The following DGKG variants were observed in gnomAD, a reference collection of about 807,000 sequenced individuals.
DGKG encodes diacylglycerol kinase gamma, also known as DAG kinase gamma.
DGKG carries 78 observed loss-of-function variants against 105.3 expected under a neutral mutation model. That is an observed-to-expected ratio of 0.74 (90% CI 0.62 to 0.89). The LOEUF (loss-of-function observed/expected upper bound fraction) is 0.89, where lower values mean the gene tolerates loss of function less well. Ranked by LOEUF, DGKG falls within the 40% of genes least tolerant of loss-of-function variation. The pLI is 0.00. For synonymous variants in DGKG, 346 were observed against 367.1 expected, an observed-to-expected ratio of 0.94 and a Z score of 0.66; for missense variants, 958 against 1,020.1, an observed-to-expected ratio of 0.94 and a Z score of 0.83.
At chr3:186,219,703 A>G (rs978821014) in intron 20 of DGKG, among the ~76,000 whole-genome samples, 1 of 152,174 alleles carries the variant, frequency 6.6e-6, no homozygotes, top group African/African-American at 2.4e-5. Flanking sequence ...GTGGGCAGAA[A>G]GATGGAGAAC....
At chr3:186,286,299 CAT>C (rs1409021075) in intron 6 of DGKG, among the ~76,000 whole-genome samples, 1 of 152,176 alleles carries the variant, frequency 6.6e-6, no homozygotes, top group Non-Finnish European at 1.5e-5. Context: ...GGTTGAATGA[CAT>C]AGAGGACAGA....
chr3:186,266,741 G>A (rs1301827817), intron 13 of DGKG, among the ~76,000 whole-genome samples: 1 of 152,068 alleles, frequency 6.6e-6, no homozygotes, highest in East Asian at 1.9e-4. Flanking sequence ...GGGATTACAG[G>A]TGCCCACTAC....
intron 10 of DGKG, among the ~76,000 whole-genome samples, chr3:186,275,254 C>T (rs533234024): frequency 5.9e-5 from 9 of 152,158 alleles, no homozygotes; most frequent in Non-Finnish European, 1.2e-4. Flanking sequence ...GAAAACCCAA[C>T]TAAAAGTAGT....
intron 20 of DGKG, among the ~76,000 whole-genome samples, chr3:186,219,896 G>A (rs889525671): frequency 6.6e-6 from 1 of 152,184 alleles, no homozygotes; most frequent in Admixed American, 6.5e-5. Flanking sequence ...CATACTGTTT[G>A]CAACTAAGAG....
At chr3:186,265,072 T>C (rs1184697374) in intron 14 of DGKG, among the ~76,000 whole-genome samples, 175 bp downstream of exon 14, 4 of 152,206 alleles carry the variant, frequency 2.6e-5, no homozygotes, top group Non-Finnish European at 4.4e-5. Flanking sequence ...GCTGACAGTG[T>C]GGCTGTCAAA....
intron 19 of DGKG, among the ~76,000 whole-genome samples, chr3:186,246,330 A>G (rs56904334): frequency 0.035 from 5,344 of 152,336 alleles, 322 homozygotes; most frequent in African/African-American, 0.12. Context: ...TATTATCATC[A>G]CATGGAATAG....
At chr3:186,172,028 G>A (rs909330624) in intron 22 of DGKG, among the ~76,000 whole-genome samples, 2 of 152,024 alleles carry the variant, frequency 1.3e-5, no homozygotes, top group African/African-American at 4.8e-5. Flanking sequence ...GTTAATTTTT[G>A]TAGAGATGGG....
chr3:186,192,694 G>T (rs914818191), intron 21 of DGKG, among the ~76,000 whole-genome samples: 4 of 152,156 alleles, frequency 2.6e-5, no homozygotes, highest in African/African-American at 9.7e-5. Context: ...AGTCAGTGAG[G>T]CAAATCGGGA....
chr3:186,332,872 A>G (rs1480279249), intron 1 of DGKG, among the ~76,000 whole-genome samples: 1 of 152,084 alleles, frequency 6.6e-6, no homozygotes, highest in Non-Finnish European at 1.5e-5. Context: ...TTAATGGTCT[A>G]TCATGGGAGG....
At chr3:186,297,061 GTC>G (rs1491157719) in intron 5 of DGKG, among the ~76,000 whole-genome samples, 19 of 26,106 alleles carry the variant, frequency 7.3e-4, no homozygotes, top group African/African-American at 1.5e-3. Flanking sequence ...CTGTCTGTCT[GTC>G]TCTCTCACAC....
rs150272267 is a variant in DGKG, at chr3:186,159,058, G to A, written c.2277+2545C>T. 3.0e-3 allele frequency: 629 copies of A among 207,968 alleles called. 4 individuals carry two copies. Among genetic ancestry groups the A allele is most frequent in the African/African-American group, 0.014 (608 of 42,166 alleles). The allele number at this position is 207,968 out of a possible 1,614,324, so 12.9% of individuals were successfully genotyped here. ...TATCTTTTGTAAGAAGCATATATTT[G>A]GATTTTCATTTTTAACTCAATATGA... On this transcript the variant is annotated intron_variant, in intron 24 of 24. Transcript: ENST00000265022.
At chr3:186,307,095 C>T in intron 2 of DGKG, 118 bp from the exon 3 acceptor site, 1 of 704,420 alleles carries the variant, frequency 1.4e-6, no homozygotes, top group Non-Finnish European at 2.5e-6. Flanking sequence ...CCCAGAAAAT[C>T]TGGAGAAATG....
At chr3:186,187,994 A>G (rs1433896775) in intron 22 of DGKG, among the ~76,000 whole-genome samples, 1 of 152,152 alleles carries the variant, frequency 6.6e-6, no homozygotes, top group Non-Finnish European at 1.5e-5. Context: ...CAGCTTGACA[A>G]CTGACTGTCA....
In DGKG at chr3:186,155,353, C is replaced by T. The variant is rs563898567; in HGVS notation, c.2278-5165G>A. On this transcript the variant is annotated intron_variant, in intron 24 of 24. Transcript: ENST00000265022. ...GATTACAGGCACCCACCACCATGCT[C>T]GGCTAATTTTTTATATTTTCAGTAC... Among the ~76,000 whole-genome samples the T allele has an allele frequency of 1.2e-4, 19 of 152,116 alleles. No homozygotes were observed. In the East Asian group the frequency reaches 2.1e-3, roughly 17 times the overall value.
rs1347503004 is a variant in DGKG, at chr3:186,211,780, C to G, written c.1917+15G>C. 6.2e-6 allele frequency: 10 copies of G among 1,607,080 alleles called. No homozygotes were observed. Among genetic ancestry groups the G allele is most frequent in the African/African-American group, 2.7e-5 (2 of 74,894 alleles). On this transcript the variant is annotated intron_variant, in intron 21 of 24. Transcript: ENST00000265022. The stretch of plus-strand genomic sequence containing the variant: ...ACCAAGATCCAGGAAGCCTTCTCCC[C>G]ACTTGGGAACTTACCTCCAACTCAA...
At chr3:186,272,156 A>T (rs1722345227) in intron 11 of DGKG, 99 bp downstream of exon 11, 3 of 895,936 alleles carry the variant, frequency 3.3e-6, no homozygotes, top group Non-Finnish European at 5.6e-6. Context: ...AAGGGACTGG[A>T]TGAAGCTCCC....
intron 1 of DGKG, among the ~76,000 whole-genome samples, chr3:186,345,861 A>G: frequency 6.6e-6 from 1 of 152,088 alleles, no homozygotes; most frequent in Non-Finnish European, 1.5e-5. Context: ...CCTCCGCCTC[A>G]TGAGTTCAAG....
At chr3:186,358,090 C>T (rs964849877) in intron 1 of DGKG, among the ~76,000 whole-genome samples, 25 of 152,330 alleles carry the variant, frequency 1.6e-4, no homozygotes, top group East Asian at 1.3e-3. Flanking sequence ...GAGAAATGCA[C>T]GTAAAGCATC....
At chr3:186,230,093 A>G (rs1720074315) in intron 20 of DGKG, among the ~76,000 whole-genome samples, 1 of 152,100 alleles carries the variant, frequency 6.6e-6, no homozygotes, top group Non-Finnish European at 1.5e-5. Context: ...TCCCGTCTCT[A>G]CTAAAAATAA....
Sources: allele counts gnomAD v4.1 joint callset (sites outside exome capture counted in the v4.1 genomes callset), GRCh38; gene constraint gnomAD v4.1.1; transcripts MANE v1.5; gene names NCBI Gene and HGNC (gene_info 2026-07-23, HGNC 2026-07-21).